CDH12: variants seen among roughly 807,000 people sequenced by gnomAD.
The protein encoded by CDH12 is cadherin-12.
In CDH12, 41 loss-of-function variants were observed where a neutral mutation model predicts 74.1. The observed-to-expected ratio is 0.55, with a 90% CI of 0.43 to 0.72. The LOEUF (loss-of-function observed/expected upper bound fraction) is 0.72. Among genes scored for constraint, CDH12 ranks in the 30% least tolerant of loss-of-function variants. The probability of loss-of-function intolerance (pLI) is 0.00; values close to 1 mark genes in which losing one functional copy is unlikely to be tolerated. For synonymous variants in CDH12, 399 were observed against 355.0 expected (o/e 1.12, Z -1.39); for missense variants, 945 against 977.2 (o/e 0.97, Z 0.44).
At chr5:22,727,059 A>G (rs1744198470) in intron 1 of CDH12, among the ~76,000 whole-genome samples, 2 of 151,794 alleles carry the variant, frequency 1.3e-5, no homozygotes. Flanking sequence ...ATTATGTCCA[A>G]TCTGTATATA....
chr5:21,924,762 G>A (rs1754514440), intron 6 of CDH12, among the ~76,000 whole-genome samples: 1 of 152,092 alleles, frequency 6.6e-6, no homozygotes, highest in Non-Finnish European at 1.5e-5. Flanking sequence ...TTACGGTTGA[G>A]GTGATGTGAA....
chr5:22,260,991 A>T (rs1274030411), intron 3 of CDH12, among the ~76,000 whole-genome samples: 1 of 151,930 alleles, frequency 6.6e-6, no homozygotes, highest in Admixed American at 6.6e-5. Context: ...ATAAACAATT[A>T]CATTTATATC....
chr5:22,013,504 T>C (rs1210218222), intron 5 of CDH12, among the ~76,000 whole-genome samples: 2 of 152,218 alleles, frequency 1.3e-5, no homozygotes, highest in Non-Finnish European at 2.9e-5. Context: ...AATACATATA[T>C]AAATAGATAA....
chr5:21,908,845 G>A (rs1027286612), intron 6 of CDH12, among the ~76,000 whole-genome samples: 2 of 152,084 alleles, frequency 1.3e-5, no homozygotes, highest in African/African-American at 4.8e-5. Flanking sequence ...GGTGTTGGCT[G>A]GTTGTTTGCT....
At chr5:21,760,735 G>T in intron 12 of CDH12, 60 bp from the exon 13 acceptor site, 1 of 951,216 alleles carries the variant, frequency 1.1e-6, no homozygotes, top group Non-Finnish European at 1.7e-6. Context: ...TACACAGCAG[G>T]CTACTAAATG....
chr5:22,665,751 T>C (rs1740580952), intron 1 of CDH12, among the ~76,000 whole-genome samples: 1 of 152,200 alleles, frequency 6.6e-6, no homozygotes, highest in African/African-American at 2.4e-5. Flanking sequence ...TCCATCTTTA[T>C]TGGTAGCTGT....
Position 22,723,680 on chromosome 5 carries a change from T to C in CDH12, c.-523+129378A>G, listed in dbSNP as rs1481343022. ...ATTCTAAATTTTGAGACAATAATTTTAAGAAAAGCTAGTTTATTTTCCCCT... is the reference window on the plus strand; with the variant it reads ...ATTCTAAATTTTGAGACAATAATTTCAAGAAAAGCTAGTTTATTTTCCCCT... On this transcript the variant is annotated intron_variant, in intron 1 of 14. Coordinates refer to ENST00000382254, the MANE Select transcript of CDH12 (RefSeq NM_004061.5). Among the ~76,000 whole-genome samples the C allele has an allele frequency of 3.3e-5, 5 of 152,206 alleles. No homozygotes were observed. The East Asian group carries it at 9.6e-4, about 29-fold the overall frequency.
intron 8 of CDH12, among the ~76,000 whole-genome samples, chr5:21,837,648 T>G (rs1348699622): frequency 6.6e-6 from 1 of 152,170 alleles, no homozygotes; most frequent in Admixed American, 6.5e-5. Context: ...ATGAGAAATA[T>G]TCCTGCAAAA....
intron 6 of CDH12, chr5:21,889,832 G>T: frequency 1.0e-6 from 1 of 985,224 alleles, no homozygotes; most frequent in Non-Finnish European, 1.2e-6. Flanking sequence ...AGCTGCCTTT[G>T]CCTAAAACCC....
At chr5:22,102,073 G>A (rs767527256) in intron 4 of CDH12, among the ~76,000 whole-genome samples, 2 of 152,174 alleles carry the variant, frequency 1.3e-5, no homozygotes, top group Non-Finnish European at 2.9e-5. Context: ...TATCTTTAGA[G>A]AGGTGAAGTG....
intron 6 of CDH12, among the ~76,000 whole-genome samples, chr5:21,904,259 G>A (rs113725371): frequency 0.042 from 6,418 of 152,112 alleles, 181 homozygotes; most frequent in Non-Finnish European, 0.062. Context: ...TCCTGTTGCA[G>A]GAAATAATTA....
chr5:21,759,787 C>A (rs368517986), intron 13 of CDH12, among the ~76,000 whole-genome samples: 6 of 152,036 alleles, frequency 3.9e-5, no homozygotes, highest in Non-Finnish European at 1.5e-5. Flanking sequence ...TCACCCAGGT[C>A]TTAAGCCCAA....
intron 4 of CDH12, among the ~76,000 whole-genome samples, chr5:22,100,268 A>C (rs1744059771): frequency 6.6e-6 from 1 of 152,190 alleles, no homozygotes; most frequent in African/African-American, 2.4e-5. Flanking sequence ...TAAATTAAAC[A>C]CTAGAGAAGT....
intron 2 of CDH12, among the ~76,000 whole-genome samples, chr5:22,435,364 T>C (rs550984830): frequency 6.6e-6 from 1 of 151,328 alleles, no homozygotes; most frequent in Non-Finnish European, 1.5e-5. Context: ...CTTGTGATCA[T>C]GTAAGTTAAT....
At chr5:22,119,137 G>T (rs1244711866) in intron 4 of CDH12, among the ~76,000 whole-genome samples, 3 of 152,118 alleles carry the variant, frequency 2.0e-5, no homozygotes, top group Non-Finnish European at 4.4e-5. Flanking sequence ...TTCGTTGTCA[G>T]GAGTCAGGCA....
At chr5:21,912,456 G>T (rs979486455) in intron 6 of CDH12, among the ~76,000 whole-genome samples, 5 of 152,082 alleles carry the variant, frequency 3.3e-5, no homozygotes, top group Non-Finnish European at 7.4e-5. Flanking sequence ...GAAGTCTAAA[G>T]CTGAGAATAA....
intron 1 of CDH12, among the ~76,000 whole-genome samples, chr5:22,844,287 C>T (rs936602488): frequency 2.0e-5 from 3 of 152,052 alleles, no homozygotes; most frequent in African/African-American, 7.2e-5. Flanking sequence ...GGCTTTGACT[C>T]ATTATTTGGA....
At chr5:22,813,900 A>G (rs999518942) in intron 1 of CDH12, among the ~76,000 whole-genome samples, 2 of 152,188 alleles carry the variant, frequency 1.3e-5, no homozygotes, top group African/African-American at 4.8e-5. Context: ...GGACCCAGCT[A>G]TGTCATGCCC....
intron 6 of CDH12, among the ~76,000 whole-genome samples, chr5:21,914,732 T>C: frequency 6.6e-6 from 1 of 152,112 alleles, no homozygotes; most frequent in East Asian, 1.9e-4. Context: ...TTGAAGAAAA[T>C]CTCCTTTACT....
Sources: gnomAD v4.1 joint callset for allele counts (sites outside exome capture counted in the v4.1 genomes callset) on GRCh38, gnomAD v4.1.1 for gene constraint, MANE v1.5 for transcripts, NCBI Gene and HGNC (gene_info 2026-07-23, HGNC 2026-07-21) for gene names.